Variants in STIM2 observed in about 807,000 individuals in gnomAD.
STIM2 encodes the protein stromal interaction molecule 2.
In STIM2, 31 loss-of-function variants were observed where a neutral mutation model predicts 85.8. The observed-to-expected ratio is 0.36, with a 90% CI of 0.27 to 0.49. The LOEUF is 0.49. STIM2 is among the 20% of genes least tolerant of loss of function. The probability of loss-of-function intolerance (pLI) is 0.98; values close to 1 mark genes in which losing one functional copy is unlikely to be tolerated. For missense variants in STIM2, 841 were observed against 927.6 expected, an observed-to-expected ratio of 0.91 and a Z score of 1.21; for synonymous variants, 356 against 331.1, an observed-to-expected ratio of 1.08 and a Z score of -0.82.
At position 27,007,316 on chromosome 4, in the gene STIM2, AT is replaced by A. The variant is rs370537485; in HGVS notation, c.982-201del. On this transcript the variant is annotated intron_variant, in intron 7 of 11. Coordinates refer to ENST00000467087, the MANE Select transcript of STIM2 (RefSeq NM_020860.4). ...AAGATGCACTTGAAGCTCAGCCTTCATTTTTTTTTTTTTTTTGAGACGGAGT... is the reference window on the plus strand; with the variant it reads ...AAGATGCACTTGAAGCTCAGCCTTCATTTTTTTTTTTTTTTGAGACGGAGT... Among the ~76,000 whole-genome samples the A allele has an allele frequency of 7.8e-3, 1,088 of 140,004 alleles. 6 individuals are homozygous for A. The highest frequency in any genetic ancestry group is 0.017 in the African/African-American group (657 of 38,158). The allele number at this position is 140,004 out of a possible 152,430, so 91.8% of individuals were successfully genotyped here.
At chr4:26,928,816 A>T (rs1725090713) in intron 2 of STIM2, among the ~76,000 whole-genome samples, 1 of 152,012 alleles carries the variant, frequency 6.6e-6, no homozygotes, top group South Asian at 2.1e-4. Context: ...AATAAAAGTT[A>T]GAACTAAATA....
chr4:26,866,228 T>A (rs566699565), intron 1 of STIM2, among the ~76,000 whole-genome samples: 1 of 152,190 alleles, frequency 6.6e-6, no homozygotes, highest in Admixed American at 6.5e-5. Flanking sequence ...GCTGTCTTTA[T>A]CTTCATATAG....
chr4:27,011,151 C>A (rs1271121935), intron 10 of STIM2, among the ~76,000 whole-genome samples: 2 of 152,128 alleles, frequency 1.3e-5, no homozygotes, highest in African/African-American at 4.8e-5. Context: ...TATGCTAAAG[C>A]CTGTTGTACT....
chr4:26,885,821 TTATATATATATATATA>T (rs56851120), intron 1 of STIM2, among the ~76,000 whole-genome samples: 922 of 84,576 alleles, frequency 0.011, 21 homozygotes, highest in African/African-American at 0.013. Flanking sequence ...GCACCTCAGG[TTATATATATATATATA>T]TATATATATA....
chr4:26,972,212 C>T (rs1726980846), intron 3 of STIM2, among the ~76,000 whole-genome samples: 1 of 152,164 alleles, frequency 6.6e-6, no homozygotes, highest in African/African-American at 2.4e-5. Flanking sequence ...TTCCTCCTTT[C>T]CTAATTGAAT....
chr4:26,918,704 TTGTTAG>T (rs1461529778), intron 1 of STIM2, among the ~76,000 whole-genome samples: 1 of 152,202 alleles, frequency 6.6e-6, no homozygotes, highest in Non-Finnish European at 1.5e-5. Context: ...GGTATATAGG[TTGTTAG>T]CTAGTTATGT....
chr4:26,903,657 G>T (rs922602622), intron 1 of STIM2, among the ~76,000 whole-genome samples: 6 of 152,036 alleles, frequency 3.9e-5, no homozygotes, highest in African/African-American at 1.4e-4. Flanking sequence ...TAATACTAAA[G>T]GCTAGCTCAG....
At chr4:26,958,016 A>G (rs984492528) in intron 3 of STIM2, among the ~76,000 whole-genome samples, 2 of 152,154 alleles carry the variant, frequency 1.3e-5, no homozygotes, top group Admixed American at 1.3e-4. Context: ...ATTACGTGAC[A>G]TTATTATAAA....
intron 1 of STIM2, among the ~76,000 whole-genome samples, chr4:26,878,108 TA>T: frequency 6.6e-6 from 1 of 152,222 alleles, no homozygotes; most frequent in South Asian, 2.1e-4. Flanking sequence ...ACAAAGGGAC[TA>T]AGACACTGCT....
intron 2 of STIM2, among the ~76,000 whole-genome samples, chr4:26,932,419 C>G (rs776459522): frequency 6.6e-6 from 1 of 152,114 alleles, no homozygotes; most frequent in Non-Finnish European, 1.5e-5. Context: ...TAACACCACA[C>G]AGATTTTTCA....
intron 5 of STIM2, among the ~76,000 whole-genome samples, chr4:27,000,085 A>G (rs1728098208): frequency 6.6e-6 from 1 of 152,078 alleles, no homozygotes; most frequent in Admixed American, 6.6e-5. Context: ...GTATAACAAA[A>G]TTAATACAAG....
At chr4:26,987,480 C>CAT (rs898874188) in intron 3 of STIM2, among the ~76,000 whole-genome samples, 3 of 152,146 alleles carry the variant, frequency 2.0e-5, no homozygotes, top group African/African-American at 7.2e-5. Context: ...CGCCCTTCCC[C>CAT]ATATTTTACC....
chr4:26,939,371 C>T lies in STIM2; in HGVS notation c.283-18241C>T, dbSNP rs558880288. On this transcript the variant is annotated intron_variant, in intron 2 of 11. Transcript: ENST00000467087. ...CTATCTTGGCCTTTCTGGGTCTGGC[C>T]TGATATTGTTCTTGACTTAGCATTG... Among the ~76,000 whole-genome samples, 6 of 152,194 alleles carry T rather than the reference C, an allele frequency of 3.9e-5. No homozygotes were observed. In the South Asian group the frequency reaches 1.2e-3, roughly 32 times the overall value.
Position 26,889,741 on chromosome 4 carries a change from C to CT in STIM2, c.151+28374dup, listed in dbSNP as rs531368346. 2.5e-3 allele frequency among the ~76,000 whole-genome samples: 388 copies of CT among 152,278 alleles called. 4 individuals carry two copies. Among genetic ancestry groups the CT allele is most frequent in the African/African-American group, 8.8e-3 (366 of 41,550 alleles). On this transcript the variant is annotated intron_variant, in intron 1 of 11. Coordinates refer to ENST00000467087, the MANE Select transcript of STIM2 (RefSeq NM_020860.4). Reference sequence around the variant, plus strand: ...GCCACCTTCCTCCTTCCTATGGCCTCTTCGTTCATGACAGAAGTGGCTAGG... The same window carrying CT: ...GCCACCTTCCTCCTTCCTATGGCCTCTTTCGTTCATGACAGAAGTGGCTAGG...
intron 3 of STIM2, among the ~76,000 whole-genome samples, chr4:26,964,711 A>G (rs1726642473): frequency 6.6e-6 from 1 of 152,170 alleles, no homozygotes; most frequent in African/African-American, 2.4e-5. Context: ...CCTAGGTACA[A>G]AAGATACACA....
intron 1 of STIM2, among the ~76,000 whole-genome samples, chr4:26,897,490 G>A (rs2109049454): frequency 6.6e-6 from 1 of 152,114 alleles, no homozygotes; most frequent in African/African-American, 2.4e-5. Context: ...GACATTTTCA[G>A]GTAAATACAA....
Position 27,022,580 on chromosome 4 carries a change from T to TCTCCTC in STIM2, c.1828_1833dup (p.Pro610_Pro611dup). ...AAATTCTTCCATTGGAAGGAAACAG[T>TCTCCTC]CTCCTCCTTTAAGCCTCGAGATATA... is the stretch of plus-strand genomic sequence containing the variant. On this transcript the variant is annotated inframe_insertion, in exon 12 of 12. Coordinates refer to ENST00000467087, the MANE Select transcript of STIM2 (RefSeq NM_020860.4). The TCTCCTC allele has an allele frequency of 1.2e-6, 2 of 1,611,910 alleles. No individual in the cohort carries two copies. Among genetic ancestry groups the TCTCCTC allele is most frequent in the Non-Finnish European group, 1.7e-6 (2 of 1,178,112 alleles).
In STIM2 at chr4:26,867,364, G is replaced by A. The variant is rs560122977; in HGVS notation, c.151+5995G>A. Among the ~76,000 whole-genome samples the A allele has an allele frequency of 1.7e-4, 26 of 152,174 alleles. 1 individual carries two copies. The South Asian group carries it at 5.4e-3, about 32-fold the overall frequency. On this transcript the variant is annotated intron_variant, in intron 1 of 11. Coordinates refer to ENST00000467087, the MANE Select transcript of STIM2 (RefSeq NM_020860.4). ...ATTAGTTTTTAAAAAAATATAATCG[G>A]GCTTATGTGATGATTTACAAAGTTG...
chr4:26,989,942 G>A (rs1727705854), intron 3 of STIM2, among the ~76,000 whole-genome samples: 2 of 152,066 alleles, frequency 1.3e-5, no homozygotes, highest in East Asian at 1.9e-4. Flanking sequence ...ATAAAACACT[G>A]ATTAAAGAAA....
Sources: allele counts gnomAD v4.1 joint callset (sites outside exome capture counted in the v4.1 genomes callset), GRCh38; gene constraint gnomAD v4.1.1; transcripts MANE v1.5; gene names NCBI Gene and HGNC (gene_info 2026-07-23, HGNC 2026-07-21).